SI: variants seen among roughly 807,000 people sequenced by gnomAD.
SI encodes sucrase-isomaltase, intestinal.
Under a neutral mutation model 253.3 loss-of-function variants are expected in SI, and 235 were observed. That is an observed-to-expected ratio of 0.93 (90% CI 0.83 to 1.03). The LOEUF is 1.03. Ranked by LOEUF, SI falls within the 50% of genes least tolerant of loss-of-function variation. The pLI is 0.00. For missense variants in SI, 2,442 were observed against 2,211.1 expected, an observed-to-expected ratio of 1.10 and a Z score of -2.09; for synonymous variants, 819 against 712.0, an observed-to-expected ratio of 1.15 and a Z score of -2.39.
At position 165,060,042 on chromosome 3, in the gene SI, G is replaced by A. The variant is rs1349632955; in HGVS notation, c.1021-15C>T. 6.2e-7 allele frequency: 1 copy of A among 1,607,244 alleles called. No homozygotes were observed. The highest frequency in any genetic ancestry group is 8.5e-7 in the Non-Finnish European group (1 of 1,175,184). ...AGTCCAACAAGCTTAAAGTAAATGA[G>A]CATGTAATTAGTTTGAATAGAAATA... On this transcript the variant is annotated splice_polypyrimidine_tract_variant and intron_variant, in intron 9 of 47. Transcript: ENST00000264382.
intron 45 of SI, among the ~76,000 whole-genome samples, chr3:164,986,040 AC>A (rs1322750393): frequency 6.6e-6 from 1 of 152,108 alleles, no homozygotes; most frequent in Non-Finnish European, 1.5e-5. Context: ...ACTACCAAAA[AC>A]AAGCAAACAA....
At chr3:165,023,482 A>C in intron 26 of SI, 88 bp downstream of exon 26, 4 of 935,136 alleles carry the variant, frequency 4.3e-6, no homozygotes, top group Non-Finnish European at 5.2e-6. Context: ...ATAACCTTTA[A>C]TATTACATTA....
In SI at chr3:165,038,044, A is replaced by G; in HGVS notation, c.2302-20T>C. ...TGCACCCTAATAATTGGAAGATTAA[A>G]AACATTCTTAATATTATTGAAGACT... On this transcript the variant is annotated intron_variant, in intron 20 of 47. Coordinates refer to ENST00000264382, the MANE Select transcript of SI (RefSeq NM_001041.4). 6.4e-7 allele frequency: 1 copy of G among 1,571,018 alleles called. No individual in the cohort carries two copies. The highest frequency in any genetic ancestry group is 8.8e-7 in the Non-Finnish European group (1 of 1,142,222).
chr3:165,049,998 A>T, intron 13 of SI, 123 bp from the exon 14 acceptor site: 1 of 676,750 alleles, frequency 1.5e-6, no homozygotes, highest in Non-Finnish European at 2.7e-6. Flanking sequence ...AATTCCTAGA[A>T]GATAAATATA....
chr3:165,047,933 T>C (rs1038987381), intron 15 of SI, among the ~76,000 whole-genome samples: 5 of 152,080 alleles, frequency 3.3e-5, no homozygotes, highest in African/African-American at 1.2e-4. Flanking sequence ...ATTTTCATAA[T>C]TGGAAACAAT....
intron 15 of SI, among the ~76,000 whole-genome samples, chr3:165,048,584 T>TATATAG (rs779292188): frequency 0.031 from 3,886 of 125,086 alleles, 100 homozygotes; most frequent in Non-Finnish European, 0.044. Context: ...TATATATATA[T>TATATAG]AGAGAGAGAG....
Position 165,055,174 on chromosome 3 carries a change from G to T in SI, c.1512+20C>A. On this transcript the variant is annotated intron_variant, in intron 13 of 47. Transcript: ENST00000264382. The stretch of plus-strand genomic sequence containing the variant: ...TCTATGGTCATTGACCAAAACCATT[G>T]GTTTAAAATAGCTACTTACAATCCA... The T allele has an allele frequency of 1.4e-6, 2 of 1,407,812 alleles. No homozygotes were observed. Among genetic ancestry groups the T allele is most frequent in the Non-Finnish European group, 2.0e-6 (2 of 993,266 alleles). The allele number at this position is 1,407,812 out of a possible 1,614,324, so 87.2% of individuals were successfully genotyped here.
chr3:165,062,248 A>G, intron 9 of SI, 123 bp downstream of exon 9: 1 of 643,976 alleles, frequency 1.6e-6, no homozygotes, highest in Non-Finnish European at 2.8e-6. Flanking sequence ...ATATGATAAG[A>G]TTTTCGAAAA....
chr3:164,992,206 G>A lies in SI; in HGVS notation c.4954C>T (p.Pro1652Ser), dbSNP rs778553652. The A allele has an allele frequency of 2.5e-6, 4 of 1,611,910 alleles. No individual in the cohort carries two copies. In the South Asian group the frequency reaches 4.4e-5, roughly 18 times the overall value. ...TGGTAGTCAAACCACCGAGCATTGG[G>A]GACGTAGGCATTTACAGTTTGAACA... ...PYVQTVNAYV[P>S]NARWFDYHTG... is the part of the protein sequence containing the mutation. The change falls in exon 43 of 48, where the codon CCC becomes TCC. Residue 1652 changes from proline to serine, a missense_variant. Pro to Ser is a moderately conservative substitution (Grantham distance 74). Coordinates refer to ENST00000264382, the MANE Select transcript of SI (RefSeq NM_001041.4).
chr3:165,047,534 T>A (rs1279336310), intron 15 of SI, among the ~76,000 whole-genome samples: 1 of 152,070 alleles, frequency 6.6e-6, no homozygotes, highest in Non-Finnish European at 1.5e-5. Context: ...ATTTTGTTAT[T>A]AATATTTACT....
In SI at chr3:165,006,678, T is replaced by G. The variant is rs527352413; in HGVS notation, c.4406+138A>C. The G allele has an allele frequency of 7.2e-5, 49 of 685,164 alleles. No homozygotes were observed. The South Asian group carries it at 8.9e-4, about 12-fold the overall frequency. The allele number at this position is 685,164 out of a possible 1,614,324, so 42.4% of individuals were successfully genotyped here. ...AGAAACACATTTTTTCTAAATGCTA[T>G]GAAGGAAGAAGTTACAGAGAACAAT... On this transcript the variant is annotated intron_variant, in intron 37 of 47. Transcript: ENST00000264382.
chr3:165,046,348 T>G (rs1269319428), intron 16 of SI, among the ~76,000 whole-genome samples: 1 of 152,060 alleles, frequency 6.6e-6, no homozygotes, highest in Non-Finnish European at 1.5e-5. Context: ...TTCTCAGATA[T>G]TTCATGTCTA....
At chr3:165,022,189 C>G (rs1711656875) in intron 26 of SI, among the ~76,000 whole-genome samples, 1 of 151,422 alleles carries the variant, frequency 6.6e-6, no homozygotes, top group Admixed American at 6.6e-5. Context: ...ACATCTTTAT[C>G]AGATGTTTAC....
chr3:165,014,325 T>G (rs1162702337), intron 33 of SI, among the ~76,000 whole-genome samples: 2 of 152,108 alleles, frequency 1.3e-5, no homozygotes, highest in South Asian at 2.1e-4. Flanking sequence ...CTTGGCTCAC[T>G]GCAAGCTCCG....
chr3:165,035,702 C>T (rs1046910336), intron 22 of SI, among the ~76,000 whole-genome samples: 1 of 151,282 alleles, frequency 6.6e-6, no homozygotes, highest in Non-Finnish European at 1.5e-5. Context: ...TTTTTATACT[C>T]ATATATAAAA....
chr3:165,070,123 A>T (rs1207049152), intron 3 of SI, among the ~76,000 whole-genome samples: 1 of 146,776 alleles, frequency 6.8e-6, no homozygotes, highest in Non-Finnish European at 1.5e-5. Flanking sequence ...ATATTTAAAT[A>T]GATAAGTATA....
At chr3:165,022,500 TCA>T (rs1235076434) in intron 26 of SI, among the ~76,000 whole-genome samples, 1 of 148,322 alleles carries the variant, frequency 6.7e-6, no homozygotes, top group Non-Finnish European at 1.5e-5. Flanking sequence ...GAACCTTTCT[TCA>T]CACACACACA....
chr3:165,000,977 T>C lies in SI; in HGVS notation c.4407-2304A>G, dbSNP rs549635233. 2.6e-3 allele frequency among the ~76,000 whole-genome samples: 387 copies of C among 151,350 alleles called. 2 individuals are homozygous for C. Among genetic ancestry groups the C allele is most frequent in the African/African-American group, 8.9e-3 (369 of 41,480 alleles). ...CTTCAATTATTATAAAAAAGTTTTT[T>C]ATAGAAGTAAAACCAGAAACTCTAC... On this transcript the variant is annotated intron_variant, in intron 37 of 47. Transcript: ENST00000264382.
At chr3:165,058,894 C>CACA in intron 12 of SI, 69 bp downstream of exon 12, 36 of 749,170 alleles carry the variant, frequency 4.8e-5, no homozygotes, top group South Asian at 7.6e-5. Flanking sequence ...ACACGCACAT[C>CACA]CACAGAAACT....
Sources: gnomAD v4.1 joint callset for allele counts (sites outside exome capture counted in the v4.1 genomes callset) on GRCh38, gnomAD v4.1.1 for gene constraint, MANE v1.5 for transcripts, NCBI Gene and HGNC (gene_info 2026-07-23, HGNC 2026-07-21) for gene names.